GFRA1: variants seen among roughly 807,000 people sequenced by gnomAD.
The protein encoded by GFRA1 is GDNF family receptor alpha 1.
In GFRA1, 16 loss-of-function variants were observed where a neutral mutation model predicts 51.6. The observed-to-expected ratio is 0.31, with a 90% CI of 0.21 to 0.47. GFRA1 has a LOEUF of 0.47. GFRA1 is among the 20% of genes least tolerant of loss of function. The pLI, the probability that GFRA1 is intolerant of heterozygous loss-of-function variation, is 1.00. For synonymous variants in GFRA1, 270 were observed against 241.3 expected (o/e 1.12, Z -1.10); for missense variants, 530 against 594.3 (o/e 0.89, Z 1.13).
At chr10:116,166,686 T>A (rs1960449276) in intron 5 of GFRA1, among the ~76,000 whole-genome samples, 1 of 151,152 alleles carries the variant, frequency 6.6e-6, no homozygotes, top group South Asian at 2.1e-4. Flanking sequence ...TGCACTTCAG[T>A]CTCCTTTCCT....
intron 9 of GFRA1, among the ~76,000 whole-genome samples, chr10:116,088,649 G>A (rs1014850845): frequency 3.3e-5 from 5 of 152,208 alleles, no homozygotes; most frequent in East Asian, 1.9e-4. Context: ...CACTGGGCGC[G>A]GTGGCACAAG....
At chr10:116,261,477 A>G (rs1001237393) in intron 4 of GFRA1, among the ~76,000 whole-genome samples, 1 of 151,342 alleles carries the variant, frequency 6.6e-6, no homozygotes, top group African/African-American at 2.4e-5. Flanking sequence ...TACTGAGCTC[A>G]CTCCTAGCTT....
At chr10:116,188,801 G>A (rs1347009961) in intron 5 of GFRA1, among the ~76,000 whole-genome samples, 1 of 151,554 alleles carries the variant, frequency 6.6e-6, no homozygotes, top group East Asian at 2.0e-4. Context: ...CATGGAGGCT[G>A]AGGCACGAGA....
chr10:116,266,735 C>G (rs1181263522), intron 4 of GFRA1, among the ~76,000 whole-genome samples: 1 of 152,080 alleles, frequency 6.6e-6, no homozygotes, highest in African/African-American at 2.4e-5. Context: ...GAAACTTGGC[C>G]CATGCAGAAG....
chr10:116,161,495 T>C (rs902983403), intron 5 of GFRA1, among the ~76,000 whole-genome samples: 8 of 152,178 alleles, frequency 5.3e-5, no homozygotes, highest in African/African-American at 1.9e-4. Flanking sequence ...TATACCCTAT[T>C]GATATGGTTT....
chr10:116,153,780 T>C (rs900461634), intron 5 of GFRA1, among the ~76,000 whole-genome samples: 12 of 152,162 alleles, frequency 7.9e-5, no homozygotes, highest in Admixed American at 5.2e-4. Flanking sequence ...CATCAAATGA[T>C]ACCATTTGAA....
chr10:116,233,327 CAAA>C (rs1225948314), intron 4 of GFRA1, among the ~76,000 whole-genome samples: 8 of 141,026 alleles, frequency 5.7e-5, no homozygotes, highest in Admixed American at 1.4e-4. Context: ...GACTCCATCT[CAAA>C]AAAAAAAAAA....
chr10:116,064,627 C>A, intron 10 of GFRA1, 83 bp from the exon 11 acceptor site: 1 of 1,297,096 alleles, frequency 7.7e-7, no homozygotes, highest in Non-Finnish European at 1.1e-6. Context: ...CTCCCCCCGA[C>A]TCCCCACTGG....
chr10:116,190,188 C>T (rs543565450), intron 5 of GFRA1, among the ~76,000 whole-genome samples: 1 of 152,294 alleles, frequency 6.6e-6, no homozygotes, highest in Admixed American at 6.5e-5. Context: ...AAGCCCTGTG[C>T]CAACTGCTGG....
At chr10:116,115,457 T>C (rs1226142968) in intron 6 of GFRA1, among the ~76,000 whole-genome samples, 1 of 151,584 alleles carries the variant, frequency 6.6e-6, no homozygotes, top group Non-Finnish European at 1.5e-5. Context: ...TGGGAGGAGG[T>C]TCTCTGATGT....
At chr10:116,181,154 T>C (rs912326405) in intron 5 of GFRA1, among the ~76,000 whole-genome samples, 17 of 152,216 alleles carry the variant, frequency 1.1e-4, no homozygotes, top group African/African-American at 3.9e-4. Context: ...CCTATAGGTA[T>C]AATAAGGTGC....
intron 5 of GFRA1, among the ~76,000 whole-genome samples, chr10:116,191,836 G>T (rs1009960284): frequency 4.4e-5 from 5 of 112,902 alleles, no homozygotes; most frequent in Non-Finnish European, 1.1e-4. Flanking sequence ...AGATCAGCCT[G>T]GCCAACATGG....
chr10:116,201,619 TA>T (rs1337028151), intron 5 of GFRA1, among the ~76,000 whole-genome samples: 1 of 152,096 alleles, frequency 6.6e-6, no homozygotes, highest in African/African-American at 2.4e-5. Flanking sequence ...CAGGGGCACC[TA>T]TCTGTAAAGC....
Position 116,117,828 on chromosome 10 carries a change from G to A in GFRA1, c.770+7393C>T, listed in dbSNP as rs1218266521. 2.0e-5 allele frequency among the ~76,000 whole-genome samples: 3 copies of A among 152,132 alleles called. No individual in the cohort carries two copies. The East Asian group carries it at 5.8e-4, about 29-fold the overall frequency. Reference sequence around the variant, plus strand: ...ATATACTTCCTATGTACTAAATTGTGTCCCTCTGAGTTCTCCTCTGTTCTC... The same window carrying A: ...ATATACTTCCTATGTACTAAATTGTATCCCTCTGAGTTCTCCTCTGTTCTC... On this transcript the variant is annotated intron_variant, in intron 6 of 10. Transcript: ENST00000355422.
intron 5 of GFRA1, among the ~76,000 whole-genome samples, chr10:116,171,997 G>A (rs1165777757): frequency 6.6e-6 from 1 of 152,146 alleles, no homozygotes; most frequent in Admixed American, 6.6e-5. Context: ...TAATCACTCA[G>A]ATCCCCAAAG....
chr10:116,270,762 G>T (rs1330576855), intron 3 of GFRA1, 60 bp downstream of exon 3: 5 of 1,450,724 alleles, frequency 3.4e-6, no homozygotes, highest in Admixed American at 1.7e-5. Context: ...GCCCAGGGAC[G>T]AAAGGCCCGC....
intron 4 of GFRA1, among the ~76,000 whole-genome samples, chr10:116,242,364 C>G (rs1290613924): frequency 2.0e-5 from 3 of 152,056 alleles, no homozygotes; most frequent in Non-Finnish European, 4.4e-5. Context: ...ACGCAACATT[C>G]TATAAAAAGT....
chr10:116,148,021 C>A lies in GFRA1; in HGVS notation c.434-22464G>T, dbSNP rs563213427. 2.8e-5 allele frequency among the ~76,000 whole-genome samples: 3 copies of A among 106,692 alleles called. No individual in the cohort carries two copies. In the East Asian group the frequency reaches 9.0e-4, roughly 32 times the overall value. 70.0% of individuals were successfully genotyped at this position (106,692 alleles called of 152,430 possible). ...AGTGTGAAGGCAAAGAACGTGTGTG[C>A]GCGCATGCATGTGTGCATGTGCGTG... On this transcript the variant is annotated intron_variant, in intron 5 of 10. Transcript: ENST00000355422.
At chr10:116,097,536 C>T (rs899127051) in intron 6 of GFRA1, among the ~76,000 whole-genome samples, 1 of 152,106 alleles carries the variant, frequency 6.6e-6, no homozygotes, top group Non-Finnish European at 1.5e-5. Context: ...GGACAGAAGC[C>T]GCAGACACGC....
Sources: gnomAD v4.1 joint callset for allele counts (sites outside exome capture counted in the v4.1 genomes callset) on GRCh38, gnomAD v4.1.1 for gene constraint, MANE v1.5 for transcripts, NCBI Gene and HGNC (gene_info 2026-07-23, HGNC 2026-07-21) for gene names.